CAMSAP1: variants seen among roughly 807,000 people sequenced by gnomAD.
CAMSAP1 encodes calmodulin regulated spectrin associated protein 1.
In CAMSAP1, 58 loss-of-function variants were observed where a neutral mutation model predicts 143.5. That is an observed-to-expected ratio of 0.40 (90% CI 0.33 to 0.50). The LOEUF (loss-of-function observed/expected upper bound fraction) is 0.50. Ranked by LOEUF, CAMSAP1 falls within the 20% of genes least tolerant of loss-of-function variation. The pLI, the probability that CAMSAP1 is intolerant of heterozygous loss-of-function variation, is 0.45. For missense variants in CAMSAP1, 1,969 were observed against 2,115.7 expected, an observed-to-expected ratio of 0.93 and a Z score of 1.36; for synonymous variants, 945 against 859.3, an observed-to-expected ratio of 1.10 and a Z score of -1.74.
At chr9:135,812,123 C>T (rs1482110550) in intron 16 of CAMSAP1, among the ~76,000 whole-genome samples, 1 of 152,212 alleles carries the variant, frequency 6.6e-6, no homozygotes, top group Admixed American at 6.5e-5. Flanking sequence ...AATGAAAACA[C>T]GCATCCATAC....
intron 5 of CAMSAP1, among the ~76,000 whole-genome samples, chr9:135,854,998 C>CTT (rs946147549): frequency 6.8e-6 from 1 of 147,454 alleles, no homozygotes; most frequent in Non-Finnish European, 1.5e-5. Context: ...TTAGCTCCCA[C>CTT]TTTTTTTTTT....
chr9:135,820,919 C>T lies in CAMSAP1; in HGVS notation c.3742G>A (p.Gly1248Arg). The T allele has an allele frequency of 6.2e-7, 1 of 1,613,842 alleles. No individual in the cohort carries two copies. Among genetic ancestry groups the T allele is most frequent in the Non-Finnish European group, 8.5e-7 (1 of 1,179,854 alleles). Residue 1248 changes from glycine to arginine, a missense_variant, in exon 11 of 17, where the codon GGG (glycine) becomes AGG (arginine). Transcript: ENST00000389532. The surrounding 1 kb of genome is among the most constrained non-coding windows in gnomAD (Gnocchi z 4.4). ...GAGCCATCGAGGCTTACCAGCTCCC[C>T]ATCCTCGTCGGGGGCCTTCAGGTCG... Reference protein sequence around the residue: ...LSDLKAPDEDGELVSLDGSAD... With the variant: ...LSDLKAPDEDRELVSLDGSAD...
Position 135,868,202 on chromosome 9 carries a change from G to A in CAMSAP1, c.586-1666C>T, listed in dbSNP as rs558374582. Among the ~76,000 whole-genome samples the A allele has an allele frequency of 6.9e-4, 105 of 151,728 alleles. 1 individual carries two copies. Among genetic ancestry groups the A allele is most frequent in the African/African-American group, 2.4e-3 (99 of 41,362 alleles). On this transcript the variant is annotated intron_variant, in intron 3 of 16. Coordinates refer to ENST00000389532, the MANE Select transcript of CAMSAP1 (RefSeq NM_015447.4). ...AAAAATGCTAAAAGAAGTTTTTTAG[G>A]CTGAAGGAAACGATACAGATGGAAA...
chr9:135,888,897 G>C (rs978246640), intron 1 of CAMSAP1, among the ~76,000 whole-genome samples: 1 of 152,166 alleles, frequency 6.6e-6, no homozygotes, highest in African/African-American at 2.4e-5. Flanking sequence ...CTTGACAGCG[G>C]AGCGCCAGGT....
intron 7 of CAMSAP1, among the ~76,000 whole-genome samples, chr9:135,833,021 A>G (rs984658775): frequency 2.7e-5 from 4 of 148,100 alleles, no homozygotes; most frequent in Non-Finnish European, 6.1e-5. Flanking sequence ...ACCAAAACAG[A>G]AAAACAAACC....
rs370356189 is a variant in CAMSAP1 at position 135,821,753 on chromosome 9, C to G, written c.2908G>C (p.Glu970Gln). 6.2e-7 allele frequency: 1 copy of G among 1,613,814 alleles called. No individual in the cohort carries two copies. The highest frequency in any genetic ancestry group is 1.1e-5 in the South Asian group (1 of 91,064). The change falls in exon 11 of 17, where the codon GAG becomes CAG. Residue 970 changes from glutamate (E) to glutamine (Q), a missense_variant. By Grantham distance (29) the Glu-to-Gln change is conservative. Transcript: ENST00000389532. This position sits in a 1 kb window ranked among gnomAD's most constrained non-coding sequence, Gnocchi z 4.6. Reference protein sequence around the residue: ...KEEQREELLHEPQDVDKESLA... With the variant: ...KEEQREELLHQPQDVDKESLA... Reference sequence around the variant, plus strand: ...CTCTCTTTGTCCACATCCTGTGGCTCGTGAAGGAGCTCCTCTCTCTGCTCC... The same window carrying G: ...CTCTCTTTGTCCACATCCTGTGGCTGGTGAAGGAGCTCCTCTCTCTGCTCC...
chr9:135,873,590 G>T (rs1588493104), intron 3 of CAMSAP1, among the ~76,000 whole-genome samples: 1 of 152,098 alleles, frequency 6.6e-6, no homozygotes, highest in South Asian at 2.1e-4. Flanking sequence ...AAACAAACAG[G>T]ACACTGTCAC....
intron 1 of CAMSAP1, among the ~76,000 whole-genome samples, chr9:135,897,978 A>G (rs1369266385): frequency 6.6e-6 from 1 of 152,208 alleles, no homozygotes; most frequent in African/African-American, 2.4e-5. Flanking sequence ...AACTGAATGA[A>G]AATGAAAAAA....
intron 7 of CAMSAP1, among the ~76,000 whole-genome samples, chr9:135,834,914 G>A (rs527619915): frequency 2.0e-4 from 30 of 151,812 alleles, no homozygotes; most frequent in African/African-American, 6.8e-4. Flanking sequence ...ATCTTCCCTC[G>A]CGGTCACCAG....
Position 135,811,230 on chromosome 9 carries a change from C to T in CAMSAP1, c.*79G>A, listed in dbSNP as rs374480824. The T allele has an allele frequency of 2.6e-5, 38 of 1,452,154 alleles. No individual in the cohort carries two copies. The African/African-American group carries it at 3.5e-4, about 13-fold the overall frequency. The allele number at this position is 1,452,154 out of a possible 1,614,324, so 90.0% of individuals were successfully genotyped here. Reference sequence around the variant, plus strand: ...AGATGAAAACAATAAATAAGGACCCCGTGGCACCCTCTGGATGCCAGCCAC... The same window carrying T: ...AGATGAAAACAATAAATAAGGACCCTGTGGCACCCTCTGGATGCCAGCCAC... On this transcript the variant is annotated 3_prime_UTR_variant, in exon 17 of 17. Coordinates refer to ENST00000389532, the MANE Select transcript of CAMSAP1 (RefSeq NM_015447.4). The surrounding 1 kb of genome is among the most constrained non-coding windows in gnomAD (Gnocchi z 4.9).
chr9:135,876,570 C>T (rs546720342), intron 3 of CAMSAP1, among the ~76,000 whole-genome samples: 1 of 152,198 alleles, frequency 6.6e-6, no homozygotes, highest in South Asian at 2.1e-4. Flanking sequence ...GGAATCCTAT[C>T]TTGCTAGCGG....
rs1315987058 is a variant in CAMSAP1 at position 135,835,308 on chromosome 9, G to GC, written c.1046-7725dup. ...CGGGTACCCACAGCAGCACCAGGCA[G>GC]CCCCGTGGTCGCCCCCTTCAGTACA... On this transcript the variant is annotated intron_variant, in intron 7 of 16. Coordinates refer to ENST00000389532, the MANE Select transcript of CAMSAP1 (RefSeq NM_015447.4). Among the ~76,000 whole-genome samples, 3 of 152,250 alleles carry GC rather than the reference G, an allele frequency of 2.0e-5. No homozygotes were observed. The East Asian group carries it at 5.8e-4, about 29-fold the overall frequency.
rs1312913569 is a variant in CAMSAP1, at chr9:135,907,533, G to A, written c.-374C>T. 6.7e-6 allele frequency among the ~76,000 whole-genome samples: 1 copy of A among 149,514 alleles called. No homozygotes were observed. The highest frequency in any genetic ancestry group is 1.5e-5 in the Non-Finnish European group (1 of 66,858). ...CAGCGGCTGAGGCGGTGGCCAAGGAGCGGGAGCGCGCTCACCGCCGGGGCC... is the reference window on the plus strand; with the variant it reads ...CAGCGGCTGAGGCGGTGGCCAAGGAACGGGAGCGCGCTCACCGCCGGGGCC... On this transcript the variant is annotated 5_prime_UTR_variant, in exon 1 of 17. Transcript: ENST00000389532.
intron 7 of CAMSAP1, among the ~76,000 whole-genome samples, chr9:135,837,575 C>G (rs562342197): frequency 3.4e-4 from 52 of 151,568 alleles, no homozygotes; most frequent in Non-Finnish European, 5.9e-4. Context: ...GCACTTTCTA[C>G]CGGTTCTACA....
intron 7 of CAMSAP1, among the ~76,000 whole-genome samples, chr9:135,848,710 T>C (rs549301210): frequency 6.6e-6 from 1 of 152,352 alleles, no homozygotes; most frequent in South Asian, 2.1e-4. Flanking sequence ...GGCATGGACA[T>C]AGAACACTGC....
chr9:135,881,829 C>T (rs1025198170), intron 2 of CAMSAP1, 35 bp from the exon 3 acceptor site: 12 of 1,548,712 alleles, frequency 7.7e-6, no homozygotes, highest in Non-Finnish European at 9.6e-6. Context: ...ATCCCTCAAA[C>T]CCACCCCTCT....
intron 7 of CAMSAP1, among the ~76,000 whole-genome samples, chr9:135,828,085 T>C (rs1034306456): frequency 6.6e-6 from 1 of 152,200 alleles, no homozygotes; most frequent in Non-Finnish European, 1.5e-5. Context: ...CTCTGGTGGG[T>C]CCCTTCAGCT....
At chr9:135,823,366 CA>C in intron 10 of CAMSAP1, 106 bp from the exon 11 acceptor site, 1 of 1,231,554 alleles carries the variant, frequency 8.1e-7, no homozygotes, top group Non-Finnish European at 1.1e-6. Context: ...ATACGCCTCT[CA>C]TATGCAGGAG....
At chr9:135,860,373 G>A (rs1478273753) in intron 5 of CAMSAP1, among the ~76,000 whole-genome samples, 6 of 152,094 alleles carry the variant, frequency 3.9e-5, no homozygotes, top group Non-Finnish European at 7.4e-5. Flanking sequence ...CAAGGCAGGT[G>A]GATCACCTGA....
Sources: gnomAD v4.1 joint callset for allele counts (sites outside exome capture counted in the v4.1 genomes callset) on GRCh38, gnomAD v4.1.1 for gene constraint, Gnocchi (gnomAD v3.1) non-coding constraint, MANE v1.5 for transcripts, NCBI Gene and HGNC (gene_info 2026-07-23, HGNC 2026-07-21) for gene names.